Variants in RAB33A observed in about 807,000 individuals in gnomAD.
RAB33A encodes ras-related protein Rab-33A.
RAB33A carries 6 observed loss-of-function variants against 12.0 expected under a neutral mutation model. The observed-to-expected ratio is 0.50, with a 90% CI of 0.27 to 0.99. The LOEUF (loss-of-function observed/expected upper bound fraction) is 0.99, where lower values mean the gene tolerates loss of function less well. Among genes scored for constraint, RAB33A ranks in the 50% least tolerant of loss-of-function variants. RAB33A has a pLI of 0.11. For missense variants in RAB33A, 109 were observed against 192.0 expected, an observed-to-expected ratio of 0.57 and a Z score of 2.55; for synonymous variants, 70 against 82.4, an observed-to-expected ratio of 0.85 and a Z score of 0.81.
chrX:130,121,375 G>A, the RAB33A span, among the ~76,000 whole-genome samples: 1 of 106,238 alleles, frequency 9.4e-6, no homozygotes, highest in Non-Finnish European at 1.9e-5. Context: ...CTCAGCCTCC[G>A]GAGTAGCTCG....
chrX:130,165,721 C>T, the RAB33A span: 1 of 937,365 alleles, frequency 1.1e-6, no homozygotes, highest in Non-Finnish European at 1.5e-6. Flanking sequence ...ACGGGTCAAA[C>T]ACCGTGAGCC....
chrX:130,119,945 A>G, the RAB33A span, among the ~76,000 whole-genome samples: 3 of 112,233 alleles, frequency 2.7e-5, no homozygotes, highest in African/African-American at 9.7e-5. Flanking sequence ...GTTGTATCAC[A>G]GAAGTGGCCA....
chrX:130,143,220 T>C, the RAB33A span, among the ~76,000 whole-genome samples: 2 of 112,008 alleles, frequency 1.8e-5, no homozygotes, highest in Non-Finnish European at 3.8e-5. Flanking sequence ...CATATGCAGA[T>C]GATTCTCAGC....
chrX:130,165,471 G>C, the RAB33A span: 1 of 833,707 alleles, frequency 1.2e-6, no homozygotes, highest in Non-Finnish European at 1.8e-6. Context: ...CGGGGACGCG[G>C]GGGTAGAGGG....
the RAB33A span, among the ~76,000 whole-genome samples, chrX:130,148,261 G>T: frequency 1.8e-5 from 2 of 111,325 alleles, no homozygotes; most frequent in African/African-American, 6.5e-5. Flanking sequence ...CCTTCCGTTA[G>T]CAACAAAGGG....
chrX:130,115,824 A>G, the RAB33A span, among the ~76,000 whole-genome samples: 1 of 111,356 alleles, frequency 9.0e-6, no homozygotes, highest in Non-Finnish European at 1.9e-5. Context: ...GAAGCCTCCC[A>G]CCTATAAATC....
chrX:130,125,224 T>G, the RAB33A span, among the ~76,000 whole-genome samples: 1 of 111,703 alleles, frequency 9.0e-6, no homozygotes, highest in South Asian at 3.7e-4. Context: ...GCTGCTTTTC[T>G]TTCAGCAAAT....
At chrX:130,114,742 C>T in the RAB33A span, among the ~76,000 whole-genome samples, 1 of 112,293 alleles carries the variant, frequency 8.9e-6, no homozygotes, top group Non-Finnish European at 1.9e-5. Context: ...GTTCCACCTC[C>T]CTACTTGCAC....
the RAB33A span, among the ~76,000 whole-genome samples, chrX:130,164,830 C>A: frequency 9.0e-6 from 1 of 111,729 alleles, no homozygotes; most frequent in East Asian, 2.8e-4. Flanking sequence ...GTAATTTCAC[C>A]TCTCTGTGCC....
chrX:130,165,762 A>G, the RAB33A span: 105 of 663,401 alleles, frequency 1.6e-4, 1 homozygote, highest in South Asian at 2.4e-3. Context: ...CTTCACACGC[A>G]CATTACGCAG....
chrX:130,112,743 G>A, the RAB33A span, among the ~76,000 whole-genome samples: 1 of 110,649 alleles, frequency 9.0e-6, no homozygotes, highest in East Asian at 2.8e-4. Flanking sequence ...GTGCATGCCT[G>A]TAGTTCCAGC....
At chrX:130,170,817 G>A (rs183937475), upstream of RAB33A, among the ~76,000 whole-genome samples, 2 of 112,836 alleles carry the variant, frequency 1.8e-5, no homozygotes, top group Non-Finnish European at 3.8e-5. Context: ...GTTATATGGA[G>A]GGCTTGGGAA....
chrX:130,130,047 T>C, the RAB33A span: 10 of 1,211,863 alleles, frequency 8.3e-6, no homozygotes, highest in Admixed American at 2.2e-5. Flanking sequence ...AGGTAGAAGA[T>C]GACACCTTTG....
At chrX:130,117,606 C>T in the RAB33A span, among the ~76,000 whole-genome samples, 1 of 112,331 alleles carries the variant, frequency 8.9e-6, no homozygotes. Flanking sequence ...TGGCTTTAGG[C>T]AGAGTCAGCA....
At chrX:130,119,024 G>T in the RAB33A span, among the ~76,000 whole-genome samples, 1 of 111,554 alleles carries the variant, frequency 9.0e-6, no homozygotes, top group Non-Finnish European at 1.9e-5. Context: ...CTCCCCTCAC[G>T]AAGAGAAGGG....
the RAB33A span, among the ~76,000 whole-genome samples, chrX:130,146,449 ATATG>A: frequency 7.7e-3 from 499 of 65,137 alleles, 8 homozygotes; most frequent in African/African-American, 0.035. Context: ...GTCTCTCAAA[ATATG>A]TGTGTGTGTG....
the RAB33A span, among the ~76,000 whole-genome samples, chrX:130,156,951 T>A: frequency 8.9e-6 from 1 of 111,780 alleles, no homozygotes; most frequent in Non-Finnish European, 1.9e-5. Flanking sequence ...TAGGTAGATA[T>A]ACAAAGTTAA....
At chrX:130,157,307 A>G in the RAB33A span, among the ~76,000 whole-genome samples, 1 of 112,612 alleles carries the variant, frequency 8.9e-6, no homozygotes, top group Admixed American at 9.4e-5. Context: ...TGTGATGATC[A>G]TAACAGCACC....
At chrX:130,147,176 TA>T in the RAB33A span, among the ~76,000 whole-genome samples, 1 of 110,843 alleles carries the variant, frequency 9.0e-6, no homozygotes. Context: ...AAAATAAAAA[TA>T]AAAAAAGAAG....
Sources: allele counts gnomAD v4.1 joint callset (sites outside exome capture counted in the v4.1 genomes callset), GRCh38; gene constraint gnomAD v4.1.1; transcripts MANE v1.5; gene names NCBI Gene and HGNC (gene_info 2026-07-23, HGNC 2026-07-21).